Variants in AMZ1 observed in about 807,000 individuals in gnomAD.
The protein encoded by AMZ1 is archaemetzincin-1.
A neutral mutation model predicts 29.9 loss-of-function variants in AMZ1; 39 were observed. The observed-to-expected ratio is 1.30, with a 90% CI of 1.01 to 1.70. AMZ1 has a LOEUF of 1.70. Among genes scored for constraint, AMZ1 ranks in the 40% most tolerant of loss-of-function variants. The probability of loss-of-function intolerance (pLI) is 0.00; values close to 1 mark genes in which losing one functional copy is unlikely to be tolerated. For missense variants in AMZ1, 1,041 were observed against 680.6 expected (o/e 1.53, Z -5.89); for synonymous variants, 458 against 304.0 (o/e 1.51, Z -5.27).
intron 4 of AMZ1, among the ~76,000 whole-genome samples, chr7:2,732,609 A>C (rs759916536): frequency 1.3e-5 from 2 of 152,154 alleles, no homozygotes; most frequent in African/African-American, 2.4e-5. Flanking sequence ...GAGTGCACAC[A>C]CCACTCAGGC....
chr7:2,742,493 G>A (rs909356780), intron 4 of AMZ1, among the ~76,000 whole-genome samples: 5 of 152,090 alleles, frequency 3.3e-5, no homozygotes, highest in Admixed American at 2.0e-4. Context: ...TTATCTCATC[G>A]CTGTCCACAT....
rs1789144722 is a variant in AMZ1, at chr7:2,716,743, T to G, written c.*3865T>G. ...ACCTGGACAGGCAAGTCTTCCCTAG[T>G]GGGTCAGTCAACTCCACCGCTTAAG... On this transcript the variant is annotated 3_prime_UTR_variant, in exon 7 of 7. Coordinates refer to ENST00000683327, the MANE Select transcript of AMZ1 (RefSeq NM_001384743.1). Among the ~76,000 whole-genome samples the G allele has an allele frequency of 1.3e-5, 2 of 152,312 alleles. No homozygotes were observed. Among genetic ancestry groups the G allele is most frequent in the East Asian group, 1.9e-4 (1 of 5,178 alleles).
intron 1 of AMZ1, among the ~76,000 whole-genome samples, chr7:2,694,579 C>T (rs184109420): frequency 2.0e-5 from 3 of 151,942 alleles, no homozygotes; most frequent in East Asian, 3.9e-4. Flanking sequence ...TGTGAGCCAC[C>T]GTACCTGGTC....
chr7:2,695,824 A>G (rs1787681516), intron 1 of AMZ1, among the ~76,000 whole-genome samples: 1 of 152,144 alleles, frequency 6.6e-6, no homozygotes, highest in Non-Finnish European at 1.5e-5. Flanking sequence ...CAGCCTGACT[A>G]ACATGGTGAA....
upstream of AMZ1, among the ~76,000 whole-genome samples, chr7:2,685,855 G>GAAA (rs10710624): frequency 6.8e-3 from 578 of 85,342 alleles, no homozygotes; most frequent in Non-Finnish European, 7.9e-3. Flanking sequence ...TCCGTCTCAA[G>GAAA]AAAAAAAAAA....
rs760102304 is a variant in AMZ1 at position 2,731,382 on chromosome 7, C to T, written n.550+21566C>T. The T allele has an allele frequency of 1.3e-5, 21 of 1,613,312 alleles. No individual in the cohort carries two copies. Among genetic ancestry groups the T allele is most frequent in the Admixed American group, 5.0e-5 (3 of 59,946 alleles). On this transcript the variant is annotated intron_variant and non_coding_transcript_variant, in intron 4 of 4. Coordinates refer to the AMZ1 transcript ENST00000489665. The surrounding 1 kb of genome is among the most constrained non-coding windows in gnomAD (Gnocchi z 6.0). ...GCCTGTGCGGGTCGCCCCTGAAGTC[C>T]GGGAAGTGCTTCTTGATGCTCACGG...
At chr7:2,749,501 G>C (rs958786173) in intron 4 of AMZ1, among the ~76,000 whole-genome samples, 1 of 149,424 alleles carries the variant, frequency 6.7e-6, no homozygotes, top group Non-Finnish European at 1.5e-5. Context: ...TCACACACCG[G>C]GGACTATTGT....
rs1562382216 is a variant in AMZ1, at chr7:2,719,584, GGAC to G, written c.*6710_*6712del. Among the ~76,000 whole-genome samples the G allele has an allele frequency of 6.6e-6, 1 of 152,210 alleles. No individual in the cohort carries two copies. The highest frequency in any genetic ancestry group is 2.4e-5 in the African/African-American group (1 of 41,452). On this transcript the variant is annotated 3_prime_UTR_variant, in exon 7 of 7. Coordinates refer to ENST00000683327, the MANE Select transcript of AMZ1 (RefSeq NM_001384743.1). ...AACATTTTATACTGCAATGACTGAT[GGAC>G]GACTTTGATATACAAAATAAATTGT...
chr7:2,690,212 A>C (rs776419306), intron 1 of AMZ1, among the ~76,000 whole-genome samples: 2 of 151,912 alleles, frequency 1.3e-5, no homozygotes, highest in Non-Finnish European at 2.9e-5. Context: ...TGTGTGTGAG[A>C]GAGAGAGAGA....
intron 4 of AMZ1, among the ~76,000 whole-genome samples, chr7:2,726,696 C>G (rs1026923380): frequency 1.3e-5 from 2 of 152,230 alleles, no homozygotes; most frequent in Admixed American, 6.5e-5. Context: ...TAAGTGGCAT[C>G]CCCACTCCTC....
intron 4 of AMZ1, among the ~76,000 whole-genome samples, chr7:2,744,787 T>C (rs895548900): frequency 6.6e-6 from 1 of 151,840 alleles, no homozygotes; most frequent in Non-Finnish European, 1.5e-5. Context: ...ATTAGACAAA[T>C]GGATAACTAG....
rs113105613 is a variant in AMZ1, at chr7:2,717,678, G to T, written c.*4800G>T. ...GCTTGACTGTAAAGAGCCCTGGCCT[G>T]CGAACGCTGTTAAAAACAGATGCAG... On this transcript the variant is annotated 3_prime_UTR_variant, in exon 7 of 7. Transcript: ENST00000683327. Among the ~76,000 whole-genome samples, 781 of 152,306 alleles carry T rather than the reference G, an allele frequency of 5.1e-3. 4 individuals are homozygous for T. The highest frequency in any genetic ancestry group is 0.017 in the African/African-American group (717 of 41,540).
upstream of AMZ1, among the ~76,000 whole-genome samples, chr7:2,684,654 G>A (rs747263862): frequency 3.9e-5 from 6 of 152,068 alleles, no homozygotes; most frequent in African/African-American, 4.8e-5. Context: ...AGCGTGTCCC[G>A]GGTGCAGTGT....
At position 2,712,875 on chromosome 7, in the gene AMZ1, T is replaced by G; in HGVS notation, c.1494T>G (p.Ser498Arg). 1.3e-6 allele frequency: 2 copies of G among 1,518,186 alleles called. No individual in the cohort carries two copies. The highest frequency in any genetic ancestry group is 1.8e-6 in the Non-Finnish European group (2 of 1,133,184). The allele number at this position is 1,518,186 out of a possible 1,614,324, so 94.0% of individuals were successfully genotyped here. The change falls in exon 7 of 7, where the codon AGT becomes AGG. Residue 498 changes from serine to arginine, a missense_variant. By Grantham distance (110) the Ser-to-Arg change is moderately radical. Transcript: ENST00000683327. ...SAPRPWDGEE[S>R] ...CCCGTCCCTGGGATGGGGAAGAGAG[T>G]TAGTACAGCAGGGGCTGCCCTACGT...
rs1164615094 is a variant in AMZ1 at position 2,712,847 on chromosome 7, C to G, written c.1466C>G (p.Ala489Gly). The G allele has an allele frequency of 6.6e-7, 1 of 1,524,788 alleles. No individual in the cohort carries two copies. The highest frequency in any genetic ancestry group is 1.3e-5 in the South Asian group (1 of 76,646). The allele number at this position is 1,524,788 out of a possible 1,614,324, so 94.5% of individuals were successfully genotyped here. A position where few individuals can be genotyped will look rare whatever the true frequency, so the allele number is the denominator to read the frequency against. The change falls in exon 7 of 7, where the codon GCC becomes GGC. Residue 489 changes from alanine (A) to glycine (G), a missense_variant. Transcript: ENST00000683327. ...SARKLARAES[A>G]PRPWDGEES ...CGAAAACTCGCCAGAGCAGAGTCGG[C>G]CCCCCGTCCCTGGGATGGGGAAGAG...
intron 4 of AMZ1, among the ~76,000 whole-genome samples, chr7:2,747,746 C>T (rs149041923): frequency 0.013 from 2,012 of 152,182 alleles, 51 homozygotes; most frequent in African/African-American, 0.043. Flanking sequence ...TGTTTGCAGA[C>T]GACATGATTG....
At chr7:2,721,968 T>A (rs187782335), downstream of AMZ1, among the ~76,000 whole-genome samples, 5 of 152,364 alleles carry the variant, frequency 3.3e-5, no homozygotes, top group Admixed American at 3.3e-4. Flanking sequence ...GGTCACGGCA[T>A]GATGGCCCGG....
chr7:2,705,288 G>C (rs1459827896), intron 3 of AMZ1, among the ~76,000 whole-genome samples: 1 of 152,056 alleles, frequency 6.6e-6, no homozygotes, highest in Non-Finnish European at 1.5e-5. Context: ...AGCATGTCAG[G>C]GTCATCCTGC....
At position 2,705,129 on chromosome 7, in the gene AMZ1, A is replaced by G. The variant is rs936592138; in HGVS notation, c.472+2240A>G. On this transcript the variant is annotated intron_variant, in intron 3 of 6. Transcript: ENST00000683327. The stretch of plus-strand genomic sequence containing the variant: ...TTGGAAAAATTAGTTTAACTTTGAG[A>G]ATTTTTGGCCTGGGCCGATGTTTTT... Among the ~76,000 whole-genome samples, 18 of 152,206 alleles carry G rather than the reference A, an allele frequency of 1.2e-4. 1 individual carries two copies. The highest frequency in any genetic ancestry group is 4.1e-4 in the African/African-American group (17 of 41,450).
Sources: gnomAD v4.1 joint callset for allele counts (sites outside exome capture counted in the v4.1 genomes callset) on GRCh38, gnomAD v4.1.1 for gene constraint, Gnocchi (gnomAD v3.1) non-coding constraint, MANE v1.5 for transcripts, NCBI Gene and HGNC (gene_info 2026-07-23, HGNC 2026-07-21) for gene names.